The following UBAP2 variants were observed in gnomAD, a reference collection of about 807,000 sequenced individuals.
UBAP2 encodes the protein ubiquitin associated protein 2.
In UBAP2, 75 loss-of-function variants were observed where a neutral mutation model predicts 139.6. The ratio of observed to expected loss-of-function variants is 0.54; its 90% CI spans 0.45 to 0.65. UBAP2 has a LOEUF of 0.65. Ranked by LOEUF, UBAP2 falls within the 30% of genes least tolerant of loss-of-function variation. UBAP2 has a pLI of 0.00. For missense variants in UBAP2, 1,368 were observed against 1,369.6 expected (o/e 1.00, Z 0.02); for synonymous variants, 526 against 526.2 (o/e 1.00, Z 0.01).
chr9:34,038,860 A>G (rs1321401892), intron 1 of UBAP2, among the ~76,000 whole-genome samples: 1 of 115,326 alleles, frequency 8.7e-6, no homozygotes, highest in Non-Finnish European at 1.8e-5. Flanking sequence ...CCGGCCGCCC[A>G]TCGTCTGAGA....
intron 4 of UBAP2, among the ~76,000 whole-genome samples, chr9:33,991,308 A>G (rs1338442934): frequency 3.5e-5 from 2 of 56,714 alleles, no homozygotes; most frequent in Admixed American, 3.5e-4. Flanking sequence ...ATCAAAAATA[A>G]TAATAATAAT....
intron 1 of UBAP2, among the ~76,000 whole-genome samples, chr9:34,042,370 C>T (rs375865119): frequency 2.0e-5 from 3 of 149,526 alleles, no homozygotes; most frequent in Admixed American, 6.8e-5. Context: ...CCGAGCTACT[C>T]GGGAGATGGA....
intron 15 of UBAP2, 53 bp from the exon 16 acceptor site, chr9:33,941,915 TA>T (rs33950531): frequency 0.17 from 172,802 of 989,028 alleles, 4,870 homozygotes; most frequent in African/African-American, 0.31. Context: ...AATAGCTTCA[TA>T]AAAAAAAAAA....
At chr9:33,978,679 C>T (rs954289900) in intron 6 of UBAP2, among the ~76,000 whole-genome samples, 16 of 152,038 alleles carry the variant, frequency 1.1e-4, no homozygotes, top group African/African-American at 3.9e-4. Flanking sequence ...ATTCGGGAGG[C>T]TGAGGCAGGA....
chr9:33,966,354 G>A (rs2131031682), intron 8 of UBAP2, among the ~76,000 whole-genome samples: 1 of 151,974 alleles, frequency 6.6e-6, no homozygotes, highest in African/African-American at 2.4e-5. Flanking sequence ...AGCTACTCGG[G>A]AGGCTGAGGT....
At chr9:33,985,591 C>G (rs1023235306) in intron 6 of UBAP2, among the ~76,000 whole-genome samples, 3 of 152,138 alleles carry the variant, frequency 2.0e-5, no homozygotes, top group African/African-American at 7.2e-5. Flanking sequence ...CACACGTACT[C>G]ACTCATGTGG....
intron 2 of UBAP2, among the ~76,000 whole-genome samples, chr9:33,999,216 G>A (rs942825459): frequency 6.6e-6 from 1 of 152,002 alleles, no homozygotes; most frequent in African/African-American, 2.4e-5. Context: ...GGGCATGGTG[G>A]CTCATGCCTT....
chr9:33,977,045 T>A (rs1435011038), intron 6 of UBAP2, among the ~76,000 whole-genome samples: 1 of 128,656 alleles, frequency 7.8e-6, no homozygotes, highest in East Asian at 2.0e-4. Flanking sequence ...TTTATTTATT[T>A]TTTTTTTTTT....
In UBAP2 at chr9:33,948,587, A is replaced by C. The variant is rs1268790208; in HGVS notation, c.1057T>G (p.Ser353Ala). The C allele has an allele frequency of 6.2e-7, 1 of 1,613,922 alleles. No individual in the cohort carries two copies. The highest frequency in any genetic ancestry group is 8.5e-7 in the Non-Finnish European group (1 of 1,179,904). ...AVNSCSPQSL[S>A]SVLGSGFGEL... Reference sequence around the variant, plus strand: ...CCAAATCCTGAGCCAAGGACGGATGACTTTAAAAGGGGGATAAAAGAACAA... The same window carrying C: ...CCAAATCCTGAGCCAAGGACGGATGCCTTTAAAAGGGGGATAAAAGAACAA... The change falls in exon 13 of 29, where the codon TCA becomes GCA. Residue 353 changes from serine to alanine, a missense_variant and splice_region_variant. Transcript: ENST00000379238.
chr9:34,038,440 A>G (rs898192145), intron 1 of UBAP2, among the ~76,000 whole-genome samples: 2 of 152,136 alleles, frequency 1.3e-5, no homozygotes, highest in Admixed American at 6.5e-5. Context: ...GCGCCGCCAC[A>G]CCTGACTGGT....
Position 34,017,096 on chromosome 9 carries a change from T to C in UBAP2, c.53A>G (p.Gln18Arg). ...DHCRGAREKP[Q>R]ISAAQSTQPQ... ...TTGCGTTGATTGTGCTGCTGAAATC[T>C]GTGGTTTTTCCCGAGCACCTCGACA... Residue 18 changes from glutamine to arginine, a missense_variant, in exon 2 of 29, where the codon CAG becomes CGG. Physicochemically the swap from Gln to Arg is conservative, Grantham distance 43. Coordinates refer to ENST00000379238, the MANE Select transcript of UBAP2 (RefSeq NM_001370062.2). 1.2e-6 allele frequency: 2 copies of C among 1,612,530 alleles called. No individual in the cohort carries two copies. The highest frequency in any genetic ancestry group is 1.7e-6 in the Non-Finnish European group (2 of 1,179,636).
intron 2 of UBAP2, among the ~76,000 whole-genome samples, chr9:34,015,576 C>T (rs1824178734): frequency 6.6e-6 from 1 of 152,112 alleles, no homozygotes; most frequent in South Asian, 2.1e-4. Flanking sequence ...ATCTGTCCAC[C>T]TCGGCCTCCC....
At chr9:33,954,301 C>CACACACACACACACACAT (rs1554682975) in intron 11 of UBAP2, among the ~76,000 whole-genome samples, 3,153 of 146,478 alleles carry the variant, frequency 0.022, 50 homozygotes, top group African/African-American at 0.026. Context: ...CACACACACA[C>CACACACACACACACACAT]GCCCATATAA....
chr9:34,034,377 TA>T (rs1316546071), intron 1 of UBAP2, among the ~76,000 whole-genome samples: 1 of 152,226 alleles, frequency 6.6e-6, no homozygotes, highest in Non-Finnish European at 1.5e-5. Context: ...CCTTATTACT[TA>T]ATCACTCATG....
rs1822983857 is a variant in UBAP2, at chr9:33,922,497, T to C, written c.*7A>G. ...GCCTTGCCCCAGCCCACCCCTCTCTTCTGGGTTTAGTTTGTCCAGTATGGA... is the reference window on the plus strand; with the variant it reads ...GCCTTGCCCCAGCCCACCCCTCTCTCCTGGGTTTAGTTTGTCCAGTATGGA... On this transcript the variant is annotated 3_prime_UTR_variant, in exon 29 of 29. Coordinates refer to ENST00000379238, the MANE Select transcript of UBAP2 (RefSeq NM_001370062.2). 1.2e-6 allele frequency: 2 copies of C among 1,613,324 alleles called. No homozygotes were observed. Among genetic ancestry groups the C allele is most frequent in the South Asian group, 1.1e-5 (1 of 90,914 alleles).
intron 11 of UBAP2, among the ~76,000 whole-genome samples, chr9:33,954,794 T>C (rs536958132): frequency 1.3e-5 from 2 of 152,176 alleles, no homozygotes; most frequent in Non-Finnish European, 2.9e-5. Context: ...CTATAAGACA[T>C]AATCATTAAT....
At chr9:33,985,620 C>A (rs1821138234) in intron 6 of UBAP2, among the ~76,000 whole-genome samples, 1 of 152,082 alleles carries the variant, frequency 6.6e-6, no homozygotes, top group Non-Finnish European at 1.5e-5. Context: ...AAGGTTATCT[C>A]ATGCAGGTAG....
chr9:33,922,396 A>G lies in UBAP2; in HGVS notation c.*108T>C, dbSNP rs1384367420. ...CAGACTCCCCACAGAGGCATGGCTGACACATGTCGGGAATTCTAGGAAAGG... is the reference window on the plus strand; with the variant it reads ...CAGACTCCCCACAGAGGCATGGCTGGCACATGTCGGGAATTCTAGGAAAGG... On this transcript the variant is annotated 3_prime_UTR_variant, in exon 29 of 29. Transcript: ENST00000379238. The G allele has an allele frequency of 2.8e-6, 3 of 1,076,534 alleles. No homozygotes were observed. The African/African-American group carries it at 4.7e-5, about 17-fold the overall frequency. The allele number at this position is 1,076,534 out of a possible 1,614,324, so 66.7% of individuals were successfully genotyped here. A position where few individuals can be genotyped will look rare whatever the true frequency, so the allele number is the denominator to read the frequency against.
chr9:33,950,812 C>T (rs750143355), intron 12 of UBAP2, among the ~76,000 whole-genome samples: 4 of 152,190 alleles, frequency 2.6e-5, no homozygotes, highest in Admixed American at 2.0e-4. Flanking sequence ...CTGCCATGTC[C>T]TAGGTAATAC....
Sources: gnomAD v4.1 joint callset for allele counts (sites outside exome capture counted in the v4.1 genomes callset) on GRCh38, gnomAD v4.1.1 for gene constraint, MANE v1.5 for transcripts, NCBI Gene and HGNC (gene_info 2026-07-23, HGNC 2026-07-21) for gene names.